NBL1: variants seen among roughly 807,000 people sequenced by gnomAD.
The protein encoded by NBL1 is NBL1, DAN family BMP antagonist, also known as neuroblastoma suppressor of tumorigenicity 1.
Under a neutral mutation model 16.0 loss-of-function variants are expected in NBL1, and 9 were observed. The observed-to-expected ratio is 0.56, with a 90% CI of 0.34 to 0.98. NBL1 has a LOEUF of 0.98. Ranked by LOEUF, NBL1 falls within the 50% of genes least tolerant of loss-of-function variation. NBL1 has a pLI of 0.02. For synonymous variants in NBL1, 86 were observed against 100.7 expected, an observed-to-expected ratio of 0.85 and a Z score of 0.87; for missense variants, 196 against 243.1, an observed-to-expected ratio of 0.81 and a Z score of 1.29.
intron 1 of NBL1, chr1:19,645,325 T>C: frequency 1.0e-6 from 1 of 982,082 alleles, no homozygotes; most frequent in Non-Finnish European, 1.2e-6. Flanking sequence ...CAGGCCCTGC[T>C]GCGGGCCACC....
At chr1:19,647,572 A>C (rs1035498126) in intron 1 of NBL1, 12 of 984,040 alleles carry the variant, frequency 1.2e-5, no homozygotes, top group Non-Finnish European at 1.3e-5. Context: ...TGGGAGAGGC[A>C]GGGGAGGGGG....
At chr1:19,653,000 A>G (rs1290309635) in intron 1 of NBL1, among the ~76,000 whole-genome samples, 1 of 138,312 alleles carries the variant, frequency 7.2e-6, no homozygotes, top group Non-Finnish European at 1.5e-5. Context: ...AAAAATAGAT[A>G]AGTAAGGCCG....
chr1:19,653,627 C>T (rs2095039767), intron 1 of NBL1, among the ~76,000 whole-genome samples: 1 of 152,248 alleles, frequency 6.6e-6, no homozygotes, highest in South Asian at 2.1e-4. Flanking sequence ...GCTCACTGCA[C>T]TCATTTTACA....
chr1:19,644,290 G>C, upstream of NBL1: 1 of 979,462 alleles, frequency 1.0e-6, no homozygotes, highest in East Asian at 1.2e-4. This position sits in a 1 kb window ranked among gnomAD's most constrained non-coding sequence, Gnocchi z 4.6. Flanking sequence ...GCTCCCCCGC[G>C]CCGCGCGCCC....
chr1:19,646,074 G>A (rs1179609000), intron 1 of NBL1: 3 of 1,548,830 alleles, frequency 1.9e-6, no homozygotes, highest in Non-Finnish European at 2.6e-6. Context: ...CTGGCACAGA[G>A]GTGGTCAGGG....
chr1:19,656,856 C>T lies in NBL1; in HGVS notation c.283-10C>T. On this transcript the variant is annotated splice_polypyrimidine_tract_variant and intron_variant, in intron 3 of 3. Coordinates refer to ENST00000375136, the MANE Select transcript of NBL1 (RefSeq NM_005380.8). Reference sequence around the variant, plus strand: ...GGAACATGCCTCTGCTTCTCTCTTGCCCTCTGCAGGTGACGCTGGAGTGCC... The same window carrying T: ...GGAACATGCCTCTGCTTCTCTCTTGTCCTCTGCAGGTGACGCTGGAGTGCC... The T allele has an allele frequency of 6.2e-7, 1 of 1,604,290 alleles. No individual in the cohort carries two copies. The highest frequency in any genetic ancestry group is 8.5e-7 in the Non-Finnish European group (1 of 1,173,046).
At chr1:19,643,822 A>T (rs2094961208), upstream of NBL1, 1 of 991,396 alleles carries the variant, frequency 1.0e-6, no homozygotes, top group Non-Finnish European at 1.2e-6. This position sits in a 1 kb window ranked among gnomAD's most constrained non-coding sequence, Gnocchi z 4.7. Flanking sequence ...AGAACTGGGG[A>T]CTCCTGGTGC....
In NBL1 at chr1:19,647,392, C is replaced by T. The variant is rs150195265; in HGVS notation, c.-20+2946C>T. On this transcript the variant is annotated intron_variant, in intron 1 of 3. Transcript: ENST00000375136. ...TGTGAGCTATGATTGTGCCACCGCG[C>T]TCCAGCCTGGGTAACAGAGTGAGAT... 4.0e-3 allele frequency among the ~76,000 whole-genome samples: 603 copies of T among 152,268 alleles called. 1 individual carries two copies. The highest frequency in any genetic ancestry group is 0.013 in the African/African-American group (536 of 41,556).
intron 1 of NBL1, chr1:19,645,649 G>C: frequency 3.5e-6 from 4 of 1,158,424 alleles, no homozygotes; most frequent in Non-Finnish European, 4.3e-6. Context: ...TGCTGGGGCT[G>C]CTTGGGCGTG....
At chr1:19,646,238 G>A (rs906545946) in intron 1 of NBL1, among the ~76,000 whole-genome samples, 1 of 152,264 alleles carries the variant, frequency 6.6e-6, no homozygotes, top group African/African-American at 2.4e-5. Context: ...GCCTTAAGCA[G>A]TATGCTGGAG....
chr1:19,658,047 C>T lies in NBL1; in HGVS notation c.*918C>T, dbSNP rs2095065665. On this transcript the variant is annotated 3_prime_UTR_variant, in exon 4 of 4. Coordinates refer to ENST00000375136, the MANE Select transcript of NBL1 (RefSeq NM_005380.8). ...TGGGTGTGGGAGTGAGGGGTTACCT[C>T]CCTCGCCCCAAGGTTCCAGAGGCCC... The T allele has an allele frequency of 6.6e-6, 1 of 152,670 alleles. No homozygotes were observed. The highest frequency in any genetic ancestry group is 2.4e-5 in the African/African-American group (1 of 41,430). The allele number at this position is 152,670 out of a possible 1,614,324, so 9.5% of individuals were successfully genotyped here.
chr1:19,643,405 T>C (rs752664341), upstream of NBL1: 6 of 1,613,410 alleles, frequency 3.7e-6, no homozygotes, highest in East Asian at 4.5e-5. This position sits in a 1 kb window ranked among gnomAD's most constrained non-coding sequence, Gnocchi z 4.7. Context: ...CAGGTAACTA[T>C]GCTGTAAAGC....
chr1:19,655,818 G>C (rs1232612197), intron 3 of NBL1, among the ~76,000 whole-genome samples: 2 of 152,138 alleles, frequency 1.3e-5, no homozygotes, highest in East Asian at 1.9e-4. Flanking sequence ...GTAGCTTGAC[G>C]CTTAACACAG....
chr1:19,650,153 G>T (rs145557056), intron 1 of NBL1, among the ~76,000 whole-genome samples: 7 of 152,274 alleles, frequency 4.6e-5, no homozygotes, highest in Non-Finnish European at 1.0e-4. Context: ...GTCCAGATTT[G>T]TAGCCTAGGA....
chr1:19,646,087 G>A, intron 1 of NBL1: 2 of 1,543,040 alleles, frequency 1.3e-6, no homozygotes, highest in Non-Finnish European at 1.8e-6. Flanking sequence ...GGTCAGGGCT[G>A]GAAGATGCAG....
rs1392890922 is a variant in NBL1 at position 19,644,915 on chromosome 1, G to A, written c.-20+469G>A. On this transcript the variant is annotated intron_variant, in intron 1 of 3. Transcript: ENST00000375136. The surrounding 1 kb of genome is among the most constrained non-coding windows in gnomAD (Gnocchi z 4.6). ...CGTGTGTCTGTCTCTCCGTCGCTCC[G>A]TTTCCGCCGCTCACTTTCCCCTGGT... 6.6e-6 allele frequency among the ~76,000 whole-genome samples: 1 copy of A among 152,078 alleles called. No individual in the cohort carries two copies. Among genetic ancestry groups the A allele is most frequent in the Non-Finnish European group, 1.5e-5 (1 of 67,992 alleles).
chr1:19,643,650 G>T (rs773431080), upstream of NBL1: 30 of 1,291,738 alleles, frequency 2.3e-5, no homozygotes, highest in African/African-American at 3.0e-5. The surrounding 1 kb of genome is among the most constrained non-coding windows in gnomAD (Gnocchi z 4.7). Flanking sequence ...TGGCTTTTTA[G>T]TTCCTAATAA....
intron 1 of NBL1, among the ~76,000 whole-genome samples, chr1:19,648,450 G>A (rs1023879957): frequency 2.0e-5 from 3 of 152,316 alleles, no homozygotes; most frequent in East Asian, 3.9e-4. Context: ...GCCGGGCCCC[G>A]GCGTCTCAGT....
intron 1 of NBL1, among the ~76,000 whole-genome samples, chr1:19,648,718 G>A (rs1377977088): frequency 7.2e-6 from 1 of 138,198 alleles, no homozygotes; most frequent in Non-Finnish European, 1.5e-5. Context: ...AGCTCAGAAT[G>A]TACCAGGCAT....
Sources: gnomAD v4.1 joint callset for allele counts (sites outside exome capture counted in the v4.1 genomes callset) on GRCh38, gnomAD v4.1.1 for gene constraint, Gnocchi (gnomAD v3.1) non-coding constraint, MANE v1.5 for transcripts, NCBI Gene and HGNC (gene_info 2026-07-23, HGNC 2026-07-21) for gene names.